Variants in SIRPD observed in about 807,000 individuals in gnomAD.
SIRPD encodes signal-regulatory protein delta.
Under a neutral mutation model 18.0 loss-of-function variants are expected in SIRPD, and 21 were observed. That is an observed-to-expected ratio of 1.17 (90% CI 0.83 to 1.68). The LOEUF is 1.68. Among genes scored for constraint, SIRPD ranks in the 40% most tolerant of loss-of-function variants. The probability of loss-of-function intolerance (pLI) is 0.00; values close to 1 mark genes in which losing one functional copy is unlikely to be tolerated. For missense variants in SIRPD, 295 were observed against 238.4 expected, an observed-to-expected ratio of 1.24 and a Z score of -1.56; for synonymous variants, 106 against 92.9, an observed-to-expected ratio of 1.14 and a Z score of -0.81.
At chr20:1,542,715 C>G (rs1462939117) in intron 2 of SIRPD, among the ~76,000 whole-genome samples, 1 of 152,176 alleles carries the variant, frequency 6.6e-6, no homozygotes, top group Admixed American at 6.5e-5. Flanking sequence ...TTGTCTTGCT[C>G]TGGTTTTCAA....
In SIRPD at chr20:1,551,833, G is replaced by T; in HGVS notation, c.279C>A (p.Thr93=). The T allele has an allele frequency of 6.2e-7, 1 of 1,614,094 alleles. No individual in the cohort carries two copies. Among genetic ancestry groups the T allele is most frequent in the African/African-American group, 1.3e-5 (1 of 75,040 alleles). Residue 93 remains threonine (T), a synonymous_variant, in exon 2 of 4, where the codon ACC becomes ACA. Coordinates refer to ENST00000381623, the MANE Select transcript of SIRPD (RefSeq NM_178460.3). The part of the protein sequence containing the change: ...FPRVKEIGDT[T]KPGNTDFSTR... ...TGGAAAAGTCTGTGTTGCCAGGCTTGGTGGTGTCTCCAATCTCTTTTACTC... is the reference window on the plus strand; with the variant it reads ...TGGAAAAGTCTGTGTTGCCAGGCTTTGTGGTGTCTCCAATCTCTTTTACTC...
rs182990763 is a variant in SIRPD at position 1,543,287 on chromosome 20, T to C, written c.422-5977A>G. Among the ~76,000 whole-genome samples, 5 of 152,332 alleles carry C rather than the reference T, an allele frequency of 3.3e-5. No homozygotes were observed. The East Asian group carries it at 9.6e-4, about 29-fold the overall frequency. Reference sequence around the variant, plus strand: ...TGGCTTTTTTGGGTTGGCAGGCTATTAATTACTGCCTCAATTTCGGAACTT... The same window carrying C: ...TGGCTTTTTTGGGTTGGCAGGCTATCAATTACTGCCTCAATTTCGGAACTT... On this transcript the variant is annotated intron_variant, in intron 2 of 3. Transcript: ENST00000381623.
chr20:1,544,488 C>G (rs909125102), intron 2 of SIRPD, among the ~76,000 whole-genome samples: 1 of 150,310 alleles, frequency 6.7e-6, no homozygotes, highest in Non-Finnish European at 1.5e-5. Flanking sequence ...TCCTCCATCC[C>G]TTTATTTTGA....
intron 3 of SIRPD, among the ~76,000 whole-genome samples, chr20:1,536,650 T>C (rs556137740): frequency 1.3e-5 from 2 of 152,310 alleles, no homozygotes; most frequent in African/African-American, 4.8e-5. Flanking sequence ...AGTTCTACAT[T>C]GCATGTGTAG....
intron 2 of SIRPD, among the ~76,000 whole-genome samples, chr20:1,538,826 A>G (rs189769515): frequency 2.6e-5 from 4 of 152,350 alleles, no homozygotes; most frequent in Non-Finnish European, 5.9e-5. Flanking sequence ...TCCCCAGGTG[A>G]GTTTCCCAAC....
intron 1 of SIRPD, among the ~76,000 whole-genome samples, chr20:1,556,235 C>T (rs1568671761): frequency 6.6e-6 from 1 of 152,140 alleles, no homozygotes; most frequent in African/African-American, 2.4e-5. Context: ...TTGGGAGTCA[C>T]CTTACAGTCT....
intron 2 of SIRPD, among the ~76,000 whole-genome samples, chr20:1,547,462 C>T (rs1055334643): frequency 6.6e-6 from 1 of 152,098 alleles, no homozygotes; most frequent in South Asian, 2.1e-4. Context: ...TCACTGTGTT[C>T]ACCAGGCTGG....
Position 1,551,759 on chromosome 20 carries a change from A to C in SIRPD, c.353T>G (p.Val118Gly), listed in dbSNP as rs775260825. Reference sequence around the variant, plus strand: ...GATAGCTCTTCCTTTTATGAACTTCACGCAGTAATAGGTGCCAGCATCAGC... The same window carrying C: ...GATAGCTCTTCCTTTTATGAACTTCCCGCAGTAATAGGTGCCAGCATCAGC... ...SLADAGTYYC[V>G]KFIKGRAIKE... is the part of the protein sequence containing the mutation. The change falls in exon 2 of 4, where the codon GTG becomes GGG. Residue 118 changes from valine to glycine, a missense_variant. Val to Gly is a moderately radical substitution (Grantham distance 109). Transcript: ENST00000381623. 6.2e-7 allele frequency: 1 copy of C among 1,614,110 alleles called. No individual in the cohort carries two copies. Among genetic ancestry groups the C allele is most frequent in the Non-Finnish European group, 8.5e-7 (1 of 1,179,962 alleles).
At position 1,538,209 on chromosome 20, in the gene SIRPD, G is replaced by A. The variant is rs7274891; in HGVS notation, c.422-899C>T. On this transcript the variant is annotated intron_variant, in intron 2 of 3. Coordinates refer to ENST00000381623, the MANE Select transcript of SIRPD (RefSeq NM_178460.3). ...CCTGCCTCCTTACCAGTGGCTGACC[G>A]GATGTTGGTGATGAGAATGGTGATG... 8.0e-3 allele frequency among the ~76,000 whole-genome samples: 1,218 copies of A among 152,186 alleles called. 17 individuals are homozygous for A. Among genetic ancestry groups the A allele is most frequent in the African/African-American group, 0.027 (1,138 of 41,502 alleles).
At chr20:1,554,261 G>A (rs544739506) in intron 1 of SIRPD, 1 of 152,724 alleles carries the variant, frequency 6.5e-6, no homozygotes, top group South Asian at 2.1e-4. Context: ...TAAAGTCTGA[G>A]GCTATTTCAC....
At chr20:1,557,340 C>T (rs1211043919) in intron 1 of SIRPD, among the ~76,000 whole-genome samples, 4 of 152,066 alleles carry the variant, frequency 2.6e-5, no homozygotes, top group Admixed American at 6.6e-5. Flanking sequence ...TGCTGTGCCC[C>T]GCCCTGTGAC....
intron 2 of SIRPD, among the ~76,000 whole-genome samples, chr20:1,539,040 T>G (rs558111624): frequency 6.6e-6 from 1 of 152,348 alleles, no homozygotes; most frequent in African/African-American, 2.4e-5. Context: ...ATTAAACCTT[T>G]GTCATTGTTT....
intron 2 of SIRPD, among the ~76,000 whole-genome samples, chr20:1,537,600 T>C (rs1380571677): frequency 6.6e-6 from 1 of 152,140 alleles, no homozygotes; most frequent in African/African-American, 2.4e-5. Context: ...GAACGGTGTG[T>C]CCAGCCTCCT....
chr20:1,548,048 T>C lies in SIRPD; in HGVS notation c.421+3643A>G, dbSNP rs58517500. Among the ~76,000 whole-genome samples the C allele has an allele frequency of 9.1e-3, 1,389 of 152,324 alleles. 22 individuals are homozygous for C. Among genetic ancestry groups the C allele is most frequent in the African/African-American group, 0.033 (1,355 of 41,564 alleles). On this transcript the variant is annotated intron_variant, in intron 2 of 3. Coordinates refer to ENST00000381623, the MANE Select transcript of SIRPD (RefSeq NM_178460.3). ...GTCAATAGAGATAGTTTTACTTCAT[T>C]CTTTCCAATTTGGATTGTTTTTATT...
chr20:1,548,790 T>C (rs946614368), intron 2 of SIRPD, among the ~76,000 whole-genome samples: 11 of 152,176 alleles, frequency 7.2e-5, no homozygotes, highest in Non-Finnish European at 1.5e-4. Flanking sequence ...TTTATTTCTA[T>C]AAAGTTGCTA....
chr20:1,550,205 A>G (rs767129881), intron 2 of SIRPD, among the ~76,000 whole-genome samples: 38 of 152,348 alleles, frequency 2.5e-4, no homozygotes, highest in Non-Finnish European at 2.1e-4. Context: ...CATGTGGTGG[A>G]TGAACATATT....
At chr20:1,553,620 C>T (rs531617670) in intron 1 of SIRPD, among the ~76,000 whole-genome samples, 4 of 152,252 alleles carry the variant, frequency 2.6e-5, no homozygotes, top group Non-Finnish European at 5.9e-5. Flanking sequence ...AGTTTTCTTA[C>T]CATTTAGGCC....
At chr20:1,556,221 A>G (rs1323389377) in intron 1 of SIRPD, among the ~76,000 whole-genome samples, 1 of 152,228 alleles carries the variant, frequency 6.6e-6, no homozygotes, top group African/African-American at 2.4e-5. Context: ...TAAGGGTGGG[A>G]TAGTTGGGAG....
intron 2 of SIRPD, among the ~76,000 whole-genome samples, chr20:1,544,785 C>T (rs1170814375): frequency 6.6e-6 from 1 of 152,112 alleles, no homozygotes; most frequent in Non-Finnish European, 1.5e-5. Flanking sequence ...TTAGTACTTC[C>T]TTCAGGAGCT....
Sources: allele counts gnomAD v4.1 joint callset (sites outside exome capture counted in the v4.1 genomes callset), GRCh38; gene constraint gnomAD v4.1.1; transcripts MANE v1.5; gene names NCBI Gene and HGNC (gene_info 2026-07-23, HGNC 2026-07-21).